The following CDH13 variants were observed in gnomAD, a reference collection of about 807,000 sequenced individuals.
The protein encoded by CDH13 is cadherin-13.
Under a neutral mutation model 63.8 loss-of-function variants are expected in CDH13, and 24 were observed. The observed-to-expected ratio is 0.38, with a 90% CI of 0.27 to 0.53. The LOEUF is 0.53. Ranked by LOEUF, CDH13 falls within the 20% of genes least tolerant of loss-of-function variation. The pLI is 0.85. For missense variants in CDH13, 1,049 were observed against 903.1 expected (o/e 1.16, Z -2.07); for synonymous variants, 503 against 355.3 (o/e 1.42, Z -4.67).
rs371787765 is a variant in CDH13, at chr16:83,629,837, C to G, written c.1101+27243C>G. Among the ~76,000 whole-genome samples the G allele has an allele frequency of 5.3e-5, 8 of 152,332 alleles. No individual in the cohort carries two copies. The East Asian group carries it at 1.3e-3, about 26-fold the overall frequency. On this transcript the variant is annotated intron_variant, in intron 8 of 13. Coordinates refer to ENST00000567109, the MANE Select transcript of CDH13 (RefSeq NM_001257.5). ...CATCAATGTAGAAGATTGACAAGCTCAGTCACATGAGCTTACACCTTGGCA... is the reference window on the plus strand; with the variant it reads ...CATCAATGTAGAAGATTGACAAGCTGAGTCACATGAGCTTACACCTTGGCA...
At chr16:83,473,393 G>T (rs16960600) in intron 6 of CDH13, among the ~76,000 whole-genome samples, 38 of 152,264 alleles carry the variant, frequency 2.5e-4, no homozygotes, top group African/African-American at 8.7e-4. Context: ...CGTTGAACAC[G>T]GAGTCTGAAT....
intron 11 of CDH13, among the ~76,000 whole-genome samples, chr16:83,756,493 C>G (rs1913516498): frequency 6.6e-6 from 1 of 152,244 alleles, no homozygotes; most frequent in Non-Finnish European, 1.5e-5. Context: ...CCCAGAATGG[C>G]TTTGAATGCG....
chr16:83,609,591 A>T (rs1396247438), intron 8 of CDH13, among the ~76,000 whole-genome samples: 1 of 152,228 alleles, frequency 6.6e-6, no homozygotes, highest in African/African-American at 2.4e-5. Flanking sequence ...TTCTTGTGTT[A>T]GAAATTTACC....
chr16:83,391,385 T>A (rs1567639015), intron 6 of CDH13, among the ~76,000 whole-genome samples: 1 of 152,056 alleles, frequency 6.6e-6, no homozygotes, highest in Non-Finnish European at 1.5e-5. Flanking sequence ...TTTGTATTTT[T>A]CGTAGAGACG....
intron 5 of CDH13, among the ~76,000 whole-genome samples, chr16:83,314,233 T>A (rs1029354385): frequency 6.6e-5 from 10 of 152,208 alleles, no homozygotes; most frequent in Non-Finnish European, 1.0e-4. Flanking sequence ...TCTCTCTTCT[T>A]CTTCTTTTTT....
chr16:82,632,218 GC>G (rs1371282314), intron 1 of CDH13, among the ~76,000 whole-genome samples: 1 of 152,104 alleles, frequency 6.6e-6, no homozygotes, highest in African/African-American at 2.4e-5. Context: ...CACTAATTTT[GC>G]CTGCTTGCCC....
At chr16:83,487,004 A>G (rs994453826) in intron 7 of CDH13, among the ~76,000 whole-genome samples, 91 of 152,246 alleles carry the variant, frequency 6.0e-4, no homozygotes, top group African/African-American at 2.1e-3. Flanking sequence ...AAGGAGGGGA[A>G]GGGAGGAGAG....
chr16:82,923,951 C>G (rs1350496759), intron 2 of CDH13, among the ~76,000 whole-genome samples: 1 of 152,182 alleles, frequency 6.6e-6, no homozygotes, highest in Non-Finnish European at 1.5e-5. Context: ...ACCCCAAAAG[C>G]AATATCTTCT....
intron 1 of CDH13, among the ~76,000 whole-genome samples, chr16:82,819,446 G>A (rs2037890503): frequency 6.6e-6 from 1 of 152,136 alleles, no homozygotes; most frequent in Non-Finnish European, 1.5e-5. Context: ...TTGTTATACA[G>A]GAAGCTTCTA....
chr16:83,034,227 C>G (rs1057280853), intron 3 of CDH13, among the ~76,000 whole-genome samples: 3 of 152,152 alleles, frequency 2.0e-5, no homozygotes, highest in Non-Finnish European at 4.4e-5. Flanking sequence ...ATCCTTCTCA[C>G]TGCAATGCTT....
chr16:83,520,163 C>G (rs983185612), intron 7 of CDH13, among the ~76,000 whole-genome samples: 1 of 152,002 alleles, frequency 6.6e-6, no homozygotes, highest in Admixed American at 6.6e-5. Context: ...CATATGACTT[C>G]TAATGACAGA....
intron 1 of CDH13, among the ~76,000 whole-genome samples, chr16:82,696,289 C>G (rs1459434081): frequency 1.3e-5 from 2 of 152,146 alleles, no homozygotes; most frequent in Non-Finnish European, 2.9e-5. Flanking sequence ...TAAAAAGTGT[C>G]ACTCACTCTA....
At chr16:83,738,865 C>T (rs1402023736) in intron 10 of CDH13, among the ~76,000 whole-genome samples, 3 of 152,162 alleles carry the variant, frequency 2.0e-5, no homozygotes, top group Admixed American at 6.5e-5. Context: ...CAGATTGCAC[C>T]ACTGCACTCC....
At chr16:83,196,785 G>C (rs1346056684) in intron 4 of CDH13, among the ~76,000 whole-genome samples, 2 of 152,166 alleles carry the variant, frequency 1.3e-5, no homozygotes, top group African/African-American at 4.8e-5. Flanking sequence ...TTAAAAAGCA[G>C]TAACATCAAA....
intron 1 of CDH13, chr16:82,719,522 C>T (rs1472209251): frequency 9.0e-6 from 4 of 445,676 alleles, no homozygotes; most frequent in African/African-American, 4.0e-5. Flanking sequence ...GGAGCTGGGG[C>T]TCCTTCCCCC....
chr16:83,073,354 T>TGAGAGA (rs58505161), intron 3 of CDH13, among the ~76,000 whole-genome samples: 71 of 139,864 alleles, frequency 5.1e-4, no homozygotes, highest in African/African-American at 1.1e-3. Flanking sequence ...TGTGTGTGTG[T>TGAGAGA]GAGAGAGAGA....
intron 2 of CDH13, among the ~76,000 whole-genome samples, chr16:82,981,333 G>A (rs1295491764): frequency 6.6e-6 from 1 of 152,044 alleles, no homozygotes; most frequent in African/African-American, 2.4e-5. Flanking sequence ...CTCACACACT[G>A]CAGTCCAATT....
At chr16:83,537,656 G>A in intron 7 of CDH13, among the ~76,000 whole-genome samples, 1 of 150,926 alleles carries the variant, frequency 6.6e-6, no homozygotes, top group Non-Finnish European at 1.5e-5. Flanking sequence ...GAAAAAAAAA[G>A]TGTTGCAAAG....
intron 5 of CDH13, among the ~76,000 whole-genome samples, chr16:83,301,409 G>C (rs1470601469): frequency 6.6e-6 from 1 of 152,056 alleles, no homozygotes; most frequent in Non-Finnish European, 1.5e-5. Flanking sequence ...TCCATTTTCA[G>C]GCTGTGCCGT....
Sources: gnomAD v4.1 joint callset for allele counts (sites outside exome capture counted in the v4.1 genomes callset) on GRCh38, gnomAD v4.1.1 for gene constraint, MANE v1.5 for transcripts, NCBI Gene and HGNC (gene_info 2026-07-23, HGNC 2026-07-21) for gene names.